Variants in SAMHD1 observed in about 807,000 individuals in gnomAD.
SAMHD1 encodes the protein deoxynucleoside triphosphate triphosphohydrolase SAMHD1.
A neutral mutation model predicts 79.6 loss-of-function variants in SAMHD1; 54 were observed. The observed-to-expected ratio is 0.68, with a 90% CI of 0.55 to 0.85. The LOEUF is 0.85. SAMHD1 is among the 40% of genes least tolerant of loss of function. The pLI is 0.00. For missense variants in SAMHD1, 663 were observed against 782.7 expected (o/e 0.85, Z 1.82); for synonymous variants, 260 against 264.1 (o/e 0.98, Z 0.15).
rs1290630168 is a variant in SAMHD1 at position 36,911,208 on chromosome 20, T to C, written c.1270+10A>G. The C allele has an allele frequency of 6.4e-7, 1 of 1,559,160 alleles. No homozygotes were observed. The highest frequency in any genetic ancestry group is 8.8e-7 in the Non-Finnish European group (1 of 1,130,444). On this transcript the variant is annotated intron_variant, in intron 11 of 15. Coordinates refer to ENST00000646673, the MANE Select transcript of SAMHD1 (RefSeq NM_015474.4). ...GAGATGGACCATCTATGTTACCTGT[T>C]ACTTCTTACCTGTCAGCTTAGTATA... is the stretch of plus-strand genomic sequence containing the variant.
At chr20:36,907,564 C>G (rs202064194) in intron 11 of SAMHD1, among the ~76,000 whole-genome samples, 1 of 132,678 alleles carries the variant, frequency 7.5e-6, no homozygotes, top group Non-Finnish European at 1.5e-5. Flanking sequence ...TTTTTTTAGA[C>G]AGACTCACCC....
chr20:36,905,085 A>T (rs2063397554), intron 12 of SAMHD1: 1 of 414,308 alleles, frequency 2.4e-6, no homozygotes, highest in South Asian at 2.6e-5. Context: ...TTGGAGACCC[A>T]CTCTCACTTC....
At chr20:36,911,832 C>T (rs572218603) in intron 10 of SAMHD1, 77 of 171,978 alleles carry the variant, frequency 4.5e-4, no homozygotes, top group Admixed American at 1.1e-3. Flanking sequence ...AATGTGAAAA[C>T]GAACATGAAA....
chr20:36,898,052 G>T (rs555493708), intron 14 of SAMHD1, 93 bp from the exon 15 acceptor site: 260 of 1,462,322 alleles, frequency 1.8e-4, no homozygotes, highest in Non-Finnish European at 2.2e-4. Flanking sequence ...CTTTTTTTTT[G>T]AGACAAGATC....
chr20:36,935,225 A>T, intron 3 of SAMHD1, 36 bp from the exon 4 acceptor site: 1 of 1,546,946 alleles, frequency 6.5e-7, no homozygotes, highest in Non-Finnish European at 8.9e-7. Context: ...AAATAACGAC[A>T]TGTAAGTCCA....
At chr20:36,915,403 G>T (rs1430907328) in intron 9 of SAMHD1, among the ~76,000 whole-genome samples, 1 of 152,170 alleles carries the variant, frequency 6.6e-6, no homozygotes, top group African/African-American at 2.4e-5. Context: ...AAGGCTTCTG[G>T]TCAACAGAAG....
intron 11 of SAMHD1, among the ~76,000 whole-genome samples, chr20:36,909,730 T>C (rs1458296100): frequency 6.6e-6 from 1 of 151,444 alleles, no homozygotes; most frequent in Non-Finnish European, 1.5e-5. Flanking sequence ...TTTACCTCTC[T>C]TTCCTCCTTT....
chr20:36,895,799 C>T (rs980591862), intron 15 of SAMHD1, among the ~76,000 whole-genome samples: 1 of 152,040 alleles, frequency 6.6e-6, no homozygotes, highest in Non-Finnish European at 1.5e-5. Context: ...ACAGTTGGCC[C>T]TCTGCATCCA....
intron 10 of SAMHD1, 51 bp from the exon 11 acceptor site, chr20:36,911,384 G>T: frequency 1.8e-6 from 2 of 1,115,614 alleles, no homozygotes; most frequent in South Asian, 1.2e-5. Context: ...TTGAATATTT[G>T]CCTTATGTCT....
intron 2 of SAMHD1, among the ~76,000 whole-genome samples, chr20:36,942,221 GC>G (rs1271951175): frequency 6.6e-6 from 1 of 152,178 alleles, no homozygotes; most frequent in African/African-American, 2.4e-5. Flanking sequence ...CTCGAGACAA[GC>G]CTGACTAACA....
intron 1 of SAMHD1, among the ~76,000 whole-genome samples, chr20:36,949,579 AC>A (rs2063719042): frequency 6.6e-6 from 1 of 151,134 alleles, no homozygotes; most frequent in Non-Finnish European, 1.5e-5. Context: ...ACATGGTGAA[AC>A]CCCATCTCTA....
chr20:36,893,524 C>A, intron 15 of SAMHD1: 1 of 263,608 alleles, frequency 3.8e-6, no homozygotes, highest in Non-Finnish European at 7.1e-6. Context: ...TTCTCTGCAT[C>A]AAAGCTCTAA....
At chr20:36,906,353 G>T (rs975595693) in intron 11 of SAMHD1, among the ~76,000 whole-genome samples, 1 of 152,194 alleles carries the variant, frequency 6.6e-6, no homozygotes, top group East Asian at 1.9e-4. Flanking sequence ...CAGGAGAATC[G>T]CTTGAACCCT....
At chr20:36,906,939 A>G (rs2063408423) in intron 11 of SAMHD1, among the ~76,000 whole-genome samples, 1 of 151,610 alleles carries the variant, frequency 6.6e-6, no homozygotes, top group Non-Finnish European at 1.5e-5. Flanking sequence ...CTACAGGTAC[A>G]TGCCACCACA....
At chr20:36,935,391 A>C in intron 3 of SAMHD1, 1 of 579,154 alleles carries the variant, frequency 1.7e-6, no homozygotes, top group Non-Finnish European at 3.1e-6. Context: ...ATTTGAGTAT[A>C]TTTTACTTCT....
At chr20:36,924,319 G>A (rs950475665) in intron 6 of SAMHD1, among the ~76,000 whole-genome samples, 6 of 148,018 alleles carry the variant, frequency 4.1e-5, no homozygotes, top group African/African-American at 1.5e-4. Flanking sequence ...GGGAAGGAAG[G>A]GAAAGAAAGG....
chr20:36,906,769 C>T (rs979915171), intron 11 of SAMHD1, among the ~76,000 whole-genome samples: 1 of 151,312 alleles, frequency 6.6e-6, no homozygotes. Context: ...TCTGCATGCG[C>T]TTTCTCCATA....
At chr20:36,940,862 T>C in intron 3 of SAMHD1, 177 bp downstream of exon 3, 1 of 620,988 alleles carries the variant, frequency 1.6e-6, no homozygotes, top group Non-Finnish European at 2.9e-6. Context: ...TAGTTCTTCT[T>C]CTGATTTAAA....
chr20:36,930,085 CAA>C (rs11468025), intron 5 of SAMHD1, among the ~76,000 whole-genome samples: 100,403 of 131,440 alleles, frequency 0.76, 38,113 homozygotes, highest in East Asian at 0.96. Flanking sequence ...AAAAAAAGAC[CAA>C]AAAAAAAAAA....
Sources: gnomAD v4.1 joint callset for allele counts (sites outside exome capture counted in the v4.1 genomes callset) on GRCh38, gnomAD v4.1.1 for gene constraint, MANE v1.5 for transcripts, NCBI Gene and HGNC (gene_info 2026-07-23, HGNC 2026-07-21) for gene names.